RAD51B: variants seen among roughly 807,000 people sequenced by gnomAD.
RAD51B encodes the protein RAD51 paralog B, also known as DNA repair protein RAD51 homolog 2.
RAD51B carries 38 observed loss-of-function variants against 42.2 expected under a neutral mutation model. The observed-to-expected ratio is 0.90, with a 90% CI of 0.70 to 1.18. The LOEUF is 1.18. RAD51B is among the 50% of genes most tolerant of loss of function. RAD51B has a pLI of 0.00. For synonymous variants in RAD51B, 154 were observed against 145.2 expected (o/e 1.06, Z -0.43); for missense variants, 373 against 400.7 (o/e 0.93, Z 0.59).
intron 10 of RAD51B, among the ~76,000 whole-genome samples, chr14:68,504,662 C>CTTTTTTTTTTTTTTT (rs57967320): frequency 4.3e-3 from 392 of 90,414 alleles, no homozygotes; most frequent in African/African-American, 0.012. Context: ...TTTTTTCTTT[C>CTTTTTTTTTTTTTTT]TTTTTTTTTT....
intron 7 of RAD51B, among the ~76,000 whole-genome samples, chr14:67,894,123 T>C (rs931781218): frequency 1.3e-5 from 2 of 152,244 alleles, no homozygotes; most frequent in Non-Finnish European, 2.9e-5. Flanking sequence ...ATCTGACTCA[T>C]AGGGCTGTGA....
At chr14:67,886,211 A>G (rs2043056867) in intron 6 of RAD51B, among the ~76,000 whole-genome samples, 1 of 152,196 alleles carries the variant, frequency 6.6e-6, no homozygotes, top group South Asian at 2.1e-4. Context: ...TAAGTGGTGT[A>G]TTATTTATCT....
At chr14:68,609,137 C>T (rs960137846) in intron 10 of RAD51B, among the ~76,000 whole-genome samples, 3 of 152,194 alleles carry the variant, frequency 2.0e-5, no homozygotes, top group Non-Finnish European at 4.4e-5. Flanking sequence ...CTCCCTTGCC[C>T]GCCTGATCTC....
chr14:68,425,936 TTTTCTTTCTTTC>T (rs56847254), intron 9 of RAD51B, among the ~76,000 whole-genome samples: 14 of 73,960 alleles, frequency 1.9e-4, no homozygotes, highest in East Asian at 6.3e-4. Flanking sequence ...AGGCCATTCT[TTTTCTTTCTTTC>T]TTTCTTTCTT....
intron 9 of RAD51B, chr14:68,421,821 T>C: frequency 1.3e-6 from 2 of 1,594,886 alleles, no homozygotes; most frequent in African/African-American, 1.3e-5. Flanking sequence ...GAGCACGTGC[T>C]TGCCATCCAA....
At chr14:67,858,796 G>A (rs1388256558) in intron 4 of RAD51B, among the ~76,000 whole-genome samples, 1 of 152,162 alleles carries the variant, frequency 6.6e-6, no homozygotes, top group African/African-American at 2.4e-5. Flanking sequence ...GCATTTCACT[G>A]CCTCCTGTCG....
At chr14:68,138,393 G>A (rs1462009619) in intron 7 of RAD51B, among the ~76,000 whole-genome samples, 1 of 152,066 alleles carries the variant, frequency 6.6e-6, no homozygotes, top group Non-Finnish European at 1.5e-5. Context: ...AACAGCAAAG[G>A]CTCCTAGCAA....
chr14:68,352,998 A>T (rs1174181955), intron 8 of RAD51B, among the ~76,000 whole-genome samples: 1 of 152,142 alleles, frequency 6.6e-6, no homozygotes, highest in South Asian at 2.1e-4. Flanking sequence ...ACTTTTCCTC[A>T]ATGTTTCAGT....
chr14:68,539,135 A>G (rs1034785536), intron 10 of RAD51B, among the ~76,000 whole-genome samples: 11 of 152,224 alleles, frequency 7.2e-5, no homozygotes, highest in Non-Finnish European at 1.5e-5. Flanking sequence ...TTAAAACAAC[A>G]GCTAGGAACT....
At chr14:68,500,751 A>G (rs942223285) in intron 10 of RAD51B, among the ~76,000 whole-genome samples, 3 of 152,210 alleles carry the variant, frequency 2.0e-5, no homozygotes, top group African/African-American at 7.2e-5. Flanking sequence ...CTTGTTGGGA[A>G]AAGAGAAGAA....
chr14:68,582,109 A>T (rs1472609479), intron 10 of RAD51B, among the ~76,000 whole-genome samples: 2 of 152,240 alleles, frequency 1.3e-5, no homozygotes, highest in African/African-American at 4.8e-5. Flanking sequence ...CAAAGACTTC[A>T]TGACTAAAAC....
At chr14:68,644,541 C>T (rs1291421907) in intron 10 of RAD51B, among the ~76,000 whole-genome samples, 1 of 152,200 alleles carries the variant, frequency 6.6e-6, no homozygotes, top group Non-Finnish European at 1.5e-5. Context: ...GAAACAGGGC[C>T]CAGATTCCTG....
At chr14:68,664,257 C>T (rs1472162910) in intron 11 of RAD51B, among the ~76,000 whole-genome samples, 1 of 152,154 alleles carries the variant, frequency 6.6e-6, no homozygotes, top group Non-Finnish European at 1.5e-5. Context: ...TTTCCCCTAT[C>T]TCTTTTCTAC....
chr14:68,200,939 G>A (rs964543571), intron 7 of RAD51B, among the ~76,000 whole-genome samples: 13 of 152,242 alleles, frequency 8.5e-5, no homozygotes, highest in Middle Eastern at 6.8e-3. Flanking sequence ...ACAGGTGTAA[G>A]CTACCATGCC....
chr14:68,093,734 T>C (rs1253855678), intron 7 of RAD51B, among the ~76,000 whole-genome samples: 1 of 152,238 alleles, frequency 6.6e-6, no homozygotes, highest in African/African-American at 2.4e-5. Flanking sequence ...ATTTCTTGCC[T>C]TCTGCTAGCT....
intron 4 of RAD51B, among the ~76,000 whole-genome samples, chr14:67,862,203 A>G (rs1174804561): frequency 6.6e-6 from 1 of 152,174 alleles, no homozygotes; most frequent in Non-Finnish European, 1.5e-5. Flanking sequence ...TAACCATTCT[A>G]CAGTGTACTA....
intron 10 of RAD51B, among the ~76,000 whole-genome samples, chr14:68,527,541 G>A (rs1280725970): frequency 6.6e-6 from 1 of 152,252 alleles, no homozygotes; most frequent in Non-Finnish European, 1.5e-5. Context: ...GTAGGAGAAA[G>A]AGAATATGCT....
At chr14:68,559,083 T>C (rs1052479087) in intron 10 of RAD51B, among the ~76,000 whole-genome samples, 1 of 151,780 alleles carries the variant, frequency 6.6e-6, no homozygotes, top group African/African-American at 2.4e-5. Context: ...TAAAAATACC[T>C]GTGATTTGTA....
At chr14:68,330,915 A>T (rs1467406397) in intron 8 of RAD51B, among the ~76,000 whole-genome samples, 1 of 152,202 alleles carries the variant, frequency 6.6e-6, no homozygotes, top group Non-Finnish European at 1.5e-5. Context: ...ATTTAATGTC[A>T]GCTCTAGTAT....
Sources: gnomAD v4.1 joint callset for allele counts (sites outside exome capture counted in the v4.1 genomes callset) on GRCh38, gnomAD v4.1.1 for gene constraint, MANE v1.5 for transcripts, NCBI Gene and HGNC (gene_info 2026-07-23, HGNC 2026-07-21) for gene names.